Variants in SPOCK1 observed in about 807,000 individuals in gnomAD.
SPOCK1 encodes SPARC (osteonectin), cwcv and kazal like domains proteoglycan 1.
In SPOCK1, 23 loss-of-function variants were observed where a neutral mutation model predicts 55.3. That is an observed-to-expected ratio of 0.42 (90% CI 0.30 to 0.59). The LOEUF (loss-of-function observed/expected upper bound fraction) is 0.59, where lower values mean the gene tolerates loss of function less well. Among genes scored for constraint, SPOCK1 ranks in the 20% least tolerant of loss-of-function variants. SPOCK1 has a pLI of 0.22. For synonymous variants in SPOCK1, 226 were observed against 221.0 expected (o/e 1.02, Z -0.20); for missense variants, 499 against 552.5 (o/e 0.90, Z 0.97).
At chr5:137,119,467 G>A (rs960302485) in intron 4 of SPOCK1, among the ~76,000 whole-genome samples, 2 of 152,220 alleles carry the variant, frequency 1.3e-5, no homozygotes, top group African/African-American at 4.8e-5. Flanking sequence ...CACAGGAAGA[G>A]CATAATGGCC....
chr5:137,442,976 T>C (rs1383372328), intron 2 of SPOCK1, among the ~76,000 whole-genome samples: 1 of 152,170 alleles, frequency 6.6e-6, no homozygotes, highest in Non-Finnish European at 1.5e-5. Context: ...AATGCTCAAG[T>C]TCCTCCAATT....
chr5:137,362,186 C>G (rs528861462), intron 2 of SPOCK1, among the ~76,000 whole-genome samples: 180 of 152,104 alleles, frequency 1.2e-3, no homozygotes, highest in Non-Finnish European at 1.5e-3. Context: ...TCCCAAAACT[C>G]AAAAGTACAG....
rs570288809 is a variant in SPOCK1, at chr5:137,358,167, A to G, written c.187-91112T>C. Among the ~76,000 whole-genome samples, 18 of 152,072 alleles carry G rather than the reference A, an allele frequency of 1.2e-4. No homozygotes were observed. The East Asian group carries it at 2.3e-3, about 20-fold the overall frequency. On this transcript the variant is annotated intron_variant, in intron 2 of 10. Coordinates refer to ENST00000394945, the MANE Select transcript of SPOCK1 (RefSeq NM_004598.4). ...AGAGTAAAGGTGTTTTGTGGCTGCTATGTGTCCATGAGACACATCACTGAG... is the reference window on the plus strand; with the variant it reads ...AGAGTAAAGGTGTTTTGTGGCTGCTGTGTGTCCATGAGACACATCACTGAG...
chr5:137,152,891 T>G (rs1754344840), intron 3 of SPOCK1, among the ~76,000 whole-genome samples: 1 of 152,226 alleles, frequency 6.6e-6, no homozygotes, highest in South Asian at 2.1e-4. Context: ...ATTCCATTCT[T>G]ACACCACCCT....
intron 2 of SPOCK1, among the ~76,000 whole-genome samples, chr5:137,418,253 C>A (rs562552616): frequency 6.6e-6 from 1 of 151,878 alleles, no homozygotes; most frequent in African/African-American, 2.4e-5. Context: ...TGAATAGTGC[C>A]GCAATAAACA....
chr5:137,441,801 G>A (rs769231926), intron 2 of SPOCK1, among the ~76,000 whole-genome samples: 60 of 152,320 alleles, frequency 3.9e-4, no homozygotes, highest in Admixed American at 3.1e-3. Flanking sequence ...CAAAGGGAAT[G>A]TTTCTGTCTA....
chr5:136,977,986 C>T lies in SPOCK1; in HGVS notation c.*668G>A, dbSNP rs1016205318. On this transcript the variant is annotated 3_prime_UTR_variant, in exon 11 of 11. Coordinates refer to ENST00000394945, the MANE Select transcript of SPOCK1 (RefSeq NM_004598.4). ...TGTGTGCAAGGCACACACATACAGTCTTTCTGTACATGCATGCATATTTAT... is the reference window on the plus strand; with the variant it reads ...TGTGTGCAAGGCACACACATACAGTTTTTCTGTACATGCATGCATATTTAT... The T allele has an allele frequency of 1.5e-5, 6 of 398,652 alleles. No homozygotes were observed. Among genetic ancestry groups the T allele is most frequent in the Non-Finnish European group, 2.7e-5 (6 of 226,034 alleles). The allele number at this position is 398,652 out of a possible 1,614,324, so 24.7% of individuals were successfully genotyped here.
In SPOCK1 at chr5:137,204,105, T is replaced by C. The variant is rs976487987; in HGVS notation, c.232+62905A>G. Among the ~76,000 whole-genome samples the C allele has an allele frequency of 1.4e-4, 22 of 152,234 alleles. 1 individual carries two copies. Among genetic ancestry groups the C allele is most frequent in the Admixed American group, 1.3e-3 (20 of 15,288 alleles). The stretch of plus-strand genomic sequence containing the variant: ...CTGGTTATCCAACCAGCTCTAGCCT[T>C]GTTTTACTCCTCTGTAACGTGGAAA... On this transcript the variant is annotated intron_variant, in intron 3 of 10. Transcript: ENST00000394945.
intron 2 of SPOCK1, among the ~76,000 whole-genome samples, chr5:137,267,703 T>G (rs1756886384): frequency 6.6e-6 from 1 of 152,214 alleles, no homozygotes; most frequent in South Asian, 2.1e-4. Context: ...TTCATTACTT[T>G]AAAATTGCAA....
At chr5:137,230,513 A>C (rs983285318) in intron 3 of SPOCK1, among the ~76,000 whole-genome samples, 1 of 152,264 alleles carries the variant, frequency 6.6e-6, no homozygotes, top group African/African-American at 2.4e-5. Flanking sequence ...TGTAAGAAGA[A>C]AAGTAAAACT....
intron 2 of SPOCK1, among the ~76,000 whole-genome samples, chr5:137,483,577 T>C (rs1291547824): frequency 6.6e-6 from 1 of 152,092 alleles, no homozygotes. Flanking sequence ...TATCTTACAT[T>C]AAAAAATAAT....
intron 3 of SPOCK1, among the ~76,000 whole-genome samples, chr5:137,161,176 G>A (rs1368024911): frequency 6.7e-6 from 1 of 148,780 alleles, no homozygotes; most frequent in Non-Finnish European, 1.5e-5. Context: ...GCTATTCCTA[G>A]AGAATGGATA....
intron 2 of SPOCK1, among the ~76,000 whole-genome samples, chr5:137,490,461 G>A (rs148410265): frequency 9.2e-5 from 14 of 152,248 alleles, no homozygotes; most frequent in East Asian, 5.8e-4. Flanking sequence ...CATACAGAGC[G>A]TGCTGAGAAC....
In SPOCK1 at chr5:137,366,891, A is replaced by C. The variant is rs751222969; in HGVS notation, c.187-99836T>G. Among the ~76,000 whole-genome samples, 4 of 152,198 alleles carry C rather than the reference A, an allele frequency of 2.6e-5. No individual in the cohort carries two copies. The South Asian group carries it at 6.2e-4, about 24-fold the overall frequency. On this transcript the variant is annotated intron_variant, in intron 2 of 10. Transcript: ENST00000394945. ...TGGACCAGTTGTCAGCAAAACAAGAAAAGTATCAGACCAAGTAACTGAGAA... is the reference window on the plus strand; with the variant it reads ...TGGACCAGTTGTCAGCAAAACAAGACAAGTATCAGACCAAGTAACTGAGAA...
chr5:137,251,194 T>A (rs1263572279), intron 3 of SPOCK1, among the ~76,000 whole-genome samples: 1 of 152,192 alleles, frequency 6.6e-6, no homozygotes, highest in Non-Finnish European at 1.5e-5. Flanking sequence ...TGCAAACCAA[T>A]GAATTATATC....
At chr5:137,447,768 C>G (rs1249661690) in intron 2 of SPOCK1, among the ~76,000 whole-genome samples, 1 of 152,170 alleles carries the variant, frequency 6.6e-6, no homozygotes, top group African/African-American at 2.4e-5. Flanking sequence ...AGGATTCAAT[C>G]TATGCCTGCA....
intron 2 of SPOCK1, among the ~76,000 whole-genome samples, chr5:137,453,449 G>A (rs1168682882): frequency 6.6e-6 from 1 of 152,168 alleles, no homozygotes; most frequent in African/African-American, 2.4e-5. Flanking sequence ...TTCTTCCAAT[G>A]TCTAAGACCA....
chr5:137,115,733 T>C (rs1357273748), intron 4 of SPOCK1, among the ~76,000 whole-genome samples: 2 of 152,246 alleles, frequency 1.3e-5, no homozygotes, highest in African/African-American at 4.8e-5. Context: ...AGGACTCTAG[T>C]GGAGATAGCA....
At chr5:137,211,855 G>A (rs909477632) in intron 3 of SPOCK1, among the ~76,000 whole-genome samples, 15 of 152,122 alleles carry the variant, frequency 9.9e-5, no homozygotes, top group African/African-American at 3.4e-4. Flanking sequence ...CACCCCAAGA[G>A]GACATGGAAG....
Sources: allele counts gnomAD v4.1 joint callset (sites outside exome capture counted in the v4.1 genomes callset), GRCh38; gene constraint gnomAD v4.1.1; transcripts MANE v1.5; gene names NCBI Gene and HGNC (gene_info 2026-07-23, HGNC 2026-07-21).